AXDND1: variants seen among roughly 807,000 people sequenced by gnomAD.
The protein encoded by AXDND1 is axonemal dynein light chain domain containing 1.
A neutral mutation model predicts 137.5 loss-of-function variants in AXDND1; 110 were observed. That is an observed-to-expected ratio of 0.80 (90% CI 0.69 to 0.94). AXDND1 has a LOEUF of 0.94. Among genes scored for constraint, AXDND1 ranks in the 40% least tolerant of loss-of-function variants. AXDND1 has a pLI of 0.00. For missense variants in AXDND1, 1,191 were observed against 1,169.8 expected (o/e 1.02, Z -0.26); for synonymous variants, 414 against 399.7 (o/e 1.04, Z -0.43).
At chr1:179,499,136 C>A (rs1667750162) in intron 20 of AXDND1, among the ~76,000 whole-genome samples, 1 of 152,068 alleles carries the variant, frequency 6.6e-6, no homozygotes, top group Admixed American at 6.6e-5. Context: ...TTCACATGTT[C>A]ACTGCTGTGC....
At chr1:179,371,740 C>T (rs922438892) in intron 4 of AXDND1, among the ~76,000 whole-genome samples, 1 of 152,134 alleles carries the variant, frequency 6.6e-6, no homozygotes, top group Admixed American at 6.6e-5. Flanking sequence ...AAGAGGACAG[C>T]TTTGACTTGT....
intron 17 of AXDND1, among the ~76,000 whole-genome samples, chr1:179,476,204 A>G (rs1299456159): frequency 6.6e-6 from 1 of 152,188 alleles, no homozygotes; most frequent in African/African-American, 2.4e-5. Flanking sequence ...TACAAACACA[A>G]AAATACATTG....
At chr1:179,468,663 T>C in intron 17 of AXDND1, 22 bp downstream of exon 17, 1 of 1,559,126 alleles carries the variant, frequency 6.4e-7, no homozygotes, top group Non-Finnish European at 8.6e-7. Flanking sequence ...TAGGTTTCTT[T>C]TGTTCTGAGA....
Position 179,488,659 on chromosome 1 carries a change from CTTT to C in AXDND1, c.2092-2878_2092-2876del, listed in dbSNP as rs1558256831. Among the ~76,000 whole-genome samples, 79 of 103,572 alleles carry C rather than the reference CTTT, an allele frequency of 7.6e-4. 10 individuals carry two copies. The highest frequency in any genetic ancestry group is 3.3e-3 in the African/African-American group (74 of 22,394). 67.9% of individuals were successfully genotyped at this position (103,572 alleles called of 152,430 possible). On this transcript the variant is annotated intron_variant, in intron 18 of 25. Transcript: ENST00000367618. Reference sequence around the variant, plus strand: ...CCTTTCTTTCTTTCTTTCTTTCTTTCTTTCTTTCTTTCTTTCTTTCTTTCTTTC... The same window carrying C: ...CCTTTCTTTCTTTCTTTCTTTCTTTCCTTTCTTTCTTTCTTTCTTTCTTTC...
At chr1:179,430,663 A>C (rs1657234977) in intron 14 of AXDND1, 57 bp downstream of exon 14, 2 of 1,532,918 alleles carry the variant, frequency 1.3e-6, no homozygotes, top group Admixed American at 2.0e-5. Flanking sequence ...AACTCAGTCA[A>C]ATTCTCTGTG....
intron 18 of AXDND1, among the ~76,000 whole-genome samples, chr1:179,485,622 C>T (rs1553290806): frequency 3.3e-5 from 5 of 152,180 alleles, no homozygotes; most frequent in Non-Finnish European, 7.3e-5. Context: ...TCTGGCAACT[C>T]AAGAAGCCAG....
At chr1:179,383,246 A>G (rs1052382016) in intron 7 of AXDND1, among the ~76,000 whole-genome samples, 196 bp from the exon 8 acceptor site, 2 of 152,042 alleles carry the variant, frequency 1.3e-5, no homozygotes, top group Non-Finnish European at 2.9e-5. Flanking sequence ...GAATCATACT[A>G]TTTGCATTTT....
rs184810460 is a variant in AXDND1 at position 179,515,581 on chromosome 1, A to G, written c.2496+6178A>G. Among the ~76,000 whole-genome samples, 185 of 152,270 alleles carry G rather than the reference A, an allele frequency of 1.2e-3. 1 individual carries two copies. The highest frequency in any genetic ancestry group is 4.3e-3 in the African/African-American group (177 of 41,560). Reference sequence around the variant, plus strand: ...ATGATCTTTTTGCGATGAATTTCCCAGGTGTTCTTTGTGCTTCTTGTATTT... The same window carrying G: ...ATGATCTTTTTGCGATGAATTTCCCGGGTGTTCTTTGTGCTTCTTGTATTT... On this transcript the variant is annotated intron_variant, in intron 21 of 25. Coordinates refer to ENST00000367618, the MANE Select transcript of AXDND1 (RefSeq NM_144696.6).
intron 4 of AXDND1, among the ~76,000 whole-genome samples, chr1:179,376,933 GT>G (rs1647362634): frequency 6.7e-6 from 1 of 149,402 alleles, no homozygotes; most frequent in Non-Finnish European, 1.5e-5. Flanking sequence ...TAATAATGTA[GT>G]TTTTTCTTTT....
chr1:179,463,490 G>C (rs1352688642), intron 16 of AXDND1, among the ~76,000 whole-genome samples: 1 of 152,170 alleles, frequency 6.6e-6, no homozygotes, highest in Non-Finnish European at 1.5e-5. Context: ...GAGACAGTTT[G>C]TTATAATTTC....
intron 9 of AXDND1, among the ~76,000 whole-genome samples, chr1:179,388,016 ACT>A (rs1649506394): frequency 6.6e-6 from 1 of 152,010 alleles, no homozygotes; most frequent in African/African-American, 2.4e-5. Flanking sequence ...TAGACTGTTA[ACT>A]CTGTCTCCTT....
At chr1:179,372,526 A>T (rs1668135373) in intron 4 of AXDND1, among the ~76,000 whole-genome samples, 1 of 152,234 alleles carries the variant, frequency 6.6e-6, no homozygotes, top group South Asian at 2.1e-4. Context: ...TTTCTTAAAG[A>T]CAAATAAATA....
chr1:179,484,203 A>C (rs1665759801), intron 18 of AXDND1, among the ~76,000 whole-genome samples: 1 of 152,202 alleles, frequency 6.6e-6, no homozygotes, highest in Non-Finnish European at 1.5e-5. Context: ...GGACCCCCAC[A>C]GTCACTTGAG....
chr1:179,516,362 T>A (rs1347673309), intron 21 of AXDND1, among the ~76,000 whole-genome samples: 4 of 152,176 alleles, frequency 2.6e-5, no homozygotes, highest in Non-Finnish European at 5.9e-5. Flanking sequence ...CCTTCTTGTA[T>A]CATTTTTTTG....
intron 2 of AXDND1, among the ~76,000 whole-genome samples, chr1:179,367,404 A>AC (rs1334091133): frequency 2.0e-5 from 3 of 151,982 alleles, no homozygotes; most frequent in Non-Finnish European, 4.4e-5. Flanking sequence ...AGTCCCAGCT[A>AC]CTCAGGAGGC....
rs1655075356 is a variant in AXDND1 at position 179,418,595 on chromosome 1, CGGGGCGGCTGGCCGGGCGGGGGGCTG to C, written c.1230+7330_1230+7355del. On this transcript the variant is annotated intron_variant, in intron 12 of 25. Coordinates refer to ENST00000367618, the MANE Select transcript of AXDND1 (RefSeq NM_144696.6). Reference sequence around the variant, plus strand: ...GCAGAGGCACCCCTCACCTCCCGGACGGGGCGGCTGGCCGGGCGGGGGGCTGACCCCCGCACCTCCCTCCCGGACGG... The same window carrying C: ...GCAGAGGCACCCCTCACCTCCCGGACACCCCCGCACCTCCCTCCCGGACGG... Among the ~76,000 whole-genome samples the C allele has an allele frequency of 2.6e-5, 4 of 151,446 alleles. No homozygotes were observed. The South Asian group carries it at 6.2e-4, about 24-fold the overall frequency.
intron 16 of AXDND1, among the ~76,000 whole-genome samples, chr1:179,464,860 C>T (rs1034198097): frequency 2.0e-5 from 3 of 152,146 alleles, no homozygotes; most frequent in African/African-American, 7.2e-5. Flanking sequence ...TCATTTCATT[C>T]ATTCGATCTT....
chr1:179,487,518 TAATTGCAGGTTTA>T (rs201596008), intron 18 of AXDND1, among the ~76,000 whole-genome samples: 72,839 of 146,968 alleles, frequency 0.5, 21,243 homozygotes, highest in East Asian at 0.75. Flanking sequence ...TGATTTTTTA[TAATTGCAGGTTTA>T]AATTGCAGAT....
chr1:179,418,442 T>A (rs1303273694), intron 12 of AXDND1, among the ~76,000 whole-genome samples: 1 of 151,244 alleles, frequency 6.6e-6, no homozygotes, highest in Non-Finnish European at 1.5e-5. Context: ...CCCCACCTTT[T>A]CCCCCTTTCC....
Sources: gnomAD v4.1 joint callset for allele counts (sites outside exome capture counted in the v4.1 genomes callset) on GRCh38, gnomAD v4.1.1 for gene constraint, MANE v1.5 for transcripts, NCBI Gene and HGNC (gene_info 2026-07-23, HGNC 2026-07-21) for gene names.